The following VPS13C variants were observed in gnomAD, a reference collection of about 807,000 sequenced individuals.
VPS13C encodes vacuolar protein sorting 13 homolog C, also known as intermembrane lipid transfer protein VPS13C.
A neutral mutation model predicts 456.8 loss-of-function variants in VPS13C; 358 were observed. The observed-to-expected ratio is 0.78, with a 90% CI of 0.72 to 0.86. VPS13C has a LOEUF of 0.86. Ranked by LOEUF, VPS13C falls within the 40% of genes least tolerant of loss-of-function variation. The pLI is 0.00. For synonymous variants in VPS13C, 1,578 were observed against 1,486.7 expected (o/e 1.06, Z -1.41); for missense variants, 4,818 against 4,385.4 (o/e 1.10, Z -2.79).
Position 62,007,352 on chromosome 15 carries a change from A to G in VPS13C, c.1246T>C (p.Leu416=). 6.2e-7 allele frequency: 1 copy of G among 1,612,470 alleles called. No homozygotes were observed. Among genetic ancestry groups the G allele is most frequent in the Non-Finnish European group, 8.5e-7 (1 of 1,179,418 alleles). The part of the protein sequence containing the change: ...KSYKIAYKNK[L]TQSKVSEEIQ... ...TCTTCTGAGACTTTAGACTGTGTTA[A>G]CTTGTTTTTGTAGGCAATTTTATAA... Residue 416 remains leucine, a synonymous_variant, in exon 15 of 85, where the codon TTA becomes CTA. Transcript: ENST00000644861.
intron 68 of VPS13C, among the ~76,000 whole-genome samples, chr15:61,883,203 C>CTTT (rs35797570): frequency 1.5e-4 from 21 of 140,526 alleles, no homozygotes; most frequent in Non-Finnish European, 2.5e-4. Context: ...ATTTTATTAT[C>CTTT]TTTTTTTTTT....
intron 80 of VPS13C, 38 bp from the exon 81 acceptor site, chr15:61,868,811 G>A (rs771204608): frequency 1.3e-6 from 2 of 1,499,604 alleles, no homozygotes; most frequent in East Asian, 2.3e-5. Flanking sequence ...GAAAATACGT[G>A]AGAGTCTTTC....
chr15:62,010,707 A>C, intron 12 of VPS13C, 108 bp from the exon 13 acceptor site: 1 of 1,162,036 alleles, frequency 8.6e-7, no homozygotes, highest in Non-Finnish European at 1.1e-6. Flanking sequence ...AAAATGATCA[A>C]AAATGTGTGT....
At chr15:62,023,875 A>T in intron 6 of VPS13C, 30 bp from the exon 7 acceptor site, 1 of 1,592,042 alleles carries the variant, frequency 6.3e-7, no homozygotes, top group Non-Finnish European at 8.6e-7. Flanking sequence ...TAGTGAGAAA[A>T]GGATAAGATT....
intron 6 of VPS13C, among the ~76,000 whole-genome samples, chr15:62,026,552 GT>G (rs2047647844): frequency 6.6e-6 from 1 of 151,732 alleles, no homozygotes; most frequent in Admixed American, 6.6e-5. Context: ...AAGTGGTTTT[GT>G]TGAAGTGTCT....
Position 61,858,862 on chromosome 15 carries a change from T to C in VPS13C, c.10953-2453A>G, listed in dbSNP as rs374313692. Among the ~76,000 whole-genome samples, 4 of 152,154 alleles carry C rather than the reference T, an allele frequency of 2.6e-5. No homozygotes were observed. The East Asian group carries it at 7.7e-4, about 29-fold the overall frequency. ...TGGAAGTGGATTCTGTGGTAATTTGTTGTGCAGCAATACAAAATGTATACA... is the reference window on the plus strand; with the variant it reads ...TGGAAGTGGATTCTGTGGTAATTTGCTGTGCAGCAATACAAAATGTATACA... On this transcript the variant is annotated intron_variant, in intron 82 of 84. Transcript: ENST00000644861. The surrounding 1 kb of genome is among the most constrained non-coding windows in gnomAD (Gnocchi z 4.4).
chr15:61,994,215 A>G (rs2046308127), intron 16 of VPS13C, among the ~76,000 whole-genome samples: 1 of 152,180 alleles, frequency 6.6e-6, no homozygotes, highest in African/African-American at 2.4e-5. Flanking sequence ...TCTCTTCTAC[A>G]TCCATCCTTC....
intron 55 of VPS13C, among the ~76,000 whole-genome samples, chr15:61,921,060 C>T (rs1274914751): frequency 6.6e-6 from 1 of 152,062 alleles, no homozygotes; most frequent in Non-Finnish European, 1.5e-5. Context: ...CCAATAACAC[C>T]TTCAAATAAG....
Position 61,951,850 on chromosome 15 carries a change from A to AT in VPS13C, c.4429dup (p.Ile1477AsnfsTer2). ...AGTGAAATCAAAGCACTGCATACTA[A>AT]TTTTTTTTAGATAAGCTTTAGCAGT... On this transcript the variant is annotated frameshift_variant, in exon 39 of 85. Transcript: ENST00000644861. LOFTEE classifies it high-confidence loss of function. 2.5e-6 allele frequency: 4 copies of AT among 1,611,338 alleles called. No individual in the cohort carries two copies. The highest frequency in any genetic ancestry group is 3.4e-6 in the Non-Finnish European group (4 of 1,178,840).
At chr15:61,966,407 G>A (rs1430919103) in intron 29 of VPS13C, among the ~76,000 whole-genome samples, 1 of 151,844 alleles carries the variant, frequency 6.6e-6, no homozygotes, top group East Asian at 1.9e-4. Context: ...TCTGAAGGTT[G>A]TAAGGTGTCA....
At chr15:62,012,988 A>G (rs755962562) in intron 11 of VPS13C, 51 bp downstream of exon 11, 1 of 1,444,420 alleles carries the variant, frequency 6.9e-7, no homozygotes, top group Non-Finnish European at 9.6e-7. Flanking sequence ...ATATTAAACA[A>G]ATTTAGGGAT....
At chr15:62,035,870 C>T (rs1474371199) in intron 3 of VPS13C, among the ~76,000 whole-genome samples, 1 of 151,960 alleles carries the variant, frequency 6.6e-6, no homozygotes, top group African/African-American at 2.4e-5. Context: ...ATATTACTGT[C>T]CCAATTTTGG....
intron 18 of VPS13C, among the ~76,000 whole-genome samples, chr15:61,990,369 G>C (rs1374702156): frequency 6.6e-6 from 1 of 151,994 alleles, no homozygotes; most frequent in Non-Finnish European, 1.5e-5. Flanking sequence ...CAAATAGGCA[G>C]TACATTTTGG....
At position 61,881,625 on chromosome 15, in the gene VPS13C, C is replaced by G. The variant is rs1162055806; in HGVS notation, c.9714G>C (p.Lys3238Asn). The G allele has an allele frequency of 1.2e-6, 2 of 1,612,520 alleles. No homozygotes were observed. The change falls in exon 71 of 85, where the codon AAG (lysine) becomes AAC (asparagine). Residue 3238 changes from lysine (K) to asparagine (N), a missense_variant. Physicochemically the swap from Lys to Asn is moderately conservative, Grantham distance 94. This residue lies in a region of VPS13C where 4,552 missense variants were observed against 4,130.6 expected (regional missense o/e 1.10). Coordinates refer to ENST00000644861, the MANE Select transcript of VPS13C (RefSeq NM_020821.3). ...TGATGACACTCACATCAATGAAAGG[C>G]TTGGGCTCTAAGAGGAAGAAGTAAC... ...PKSIALDSEP[K>N]PFIDVSVITR...
intron 19 of VPS13C, 92 bp from the exon 20 acceptor site, chr15:61,984,104 G>T: frequency 3.3e-6 from 4 of 1,194,524 alleles, no homozygotes; most frequent in Non-Finnish European, 4.7e-6. Flanking sequence ...AAACGTCTTT[G>T]AGAACCAGGA....
At chr15:61,938,701 T>C (rs1327133570) in intron 47 of VPS13C, among the ~76,000 whole-genome samples, 1 of 152,172 alleles carries the variant, frequency 6.6e-6, no homozygotes, top group Non-Finnish European at 1.5e-5. Context: ...ACTATAATCT[T>C]CCCCTGTGAA....
intron 47 of VPS13C, among the ~76,000 whole-genome samples, chr15:61,937,780 T>C (rs891843946): frequency 1.3e-5 from 2 of 152,288 alleles, no homozygotes; most frequent in African/African-American, 4.8e-5. Context: ...ATCTCTAAAA[T>C]AGGCATAATA....
intron 18 of VPS13C, among the ~76,000 whole-genome samples, chr15:61,986,929 C>A (rs2140405857): frequency 6.6e-6 from 1 of 151,478 alleles, no homozygotes; most frequent in South Asian, 2.1e-4. Context: ...TTCAGAAAGA[C>A]AAAAAAAATT....
In VPS13C at chr15:61,945,822, T is replaced by C; in HGVS notation, c.5041A>G (p.Thr1681Ala). ...RFQLTLYPDA[T>A]EGEAYADMSK... Reference sequence around the variant, plus strand: ...ATATCAGCATAGGCCTCTCCTTCTGTGGCATCTGGATAAAGAGTCAGTTGG... The same window carrying C: ...ATATCAGCATAGGCCTCTCCTTCTGCGGCATCTGGATAAAGAGTCAGTTGG... The change falls in exon 45 of 85, where the codon ACA becomes GCA. Residue 1681 changes from threonine to alanine, a missense_variant. Thr to Ala is a moderately conservative substitution (Grantham distance 58). This residue lies in a region of VPS13C where 4,552 missense variants were observed against 4,130.6 expected (regional missense o/e 1.10). Coordinates refer to ENST00000644861, the MANE Select transcript of VPS13C (RefSeq NM_020821.3). 4 of 1,613,322 alleles carry C rather than the reference T, an allele frequency of 2.5e-6. No homozygotes were observed. Among genetic ancestry groups the C allele is most frequent in the Non-Finnish European group, 3.4e-6 (4 of 1,179,700 alleles).
Sources: gnomAD v4.1 joint callset for allele counts (sites outside exome capture counted in the v4.1 genomes callset) on GRCh38, gnomAD v4.1.1 for gene constraint, gnomAD v4.1.1 regional missense constraint, Gnocchi (gnomAD v3.1) non-coding constraint, MANE v1.5 for transcripts, NCBI Gene and HGNC (gene_info 2026-07-23, HGNC 2026-07-21) for gene names.